The following PDS5B variants were observed in gnomAD, a reference collection of about 807,000 sequenced individuals.
PDS5B encodes PDS5 cohesin associated factor B.
In PDS5B, 51 loss-of-function variants were observed where a neutral mutation model predicts 184.1. The observed-to-expected ratio is 0.28, with a 90% CI of 0.22 to 0.35. PDS5B has a LOEUF of 0.35. PDS5B is among the 10% of genes least tolerant of loss of function. The pLI, the probability that PDS5B is intolerant of heterozygous loss-of-function variation, is 1.00. For missense variants in PDS5B, 1,180 were observed against 1,723.3 expected (o/e 0.68, Z 5.58); for synonymous variants, 566 against 569.2 (o/e 0.99, Z 0.08).
intron 30 of PDS5B, among the ~76,000 whole-genome samples, chr13:32,761,179 A>T (rs568064887): frequency 6.6e-6 from 1 of 152,198 alleles, no homozygotes; most frequent in Non-Finnish European, 1.5e-5. Flanking sequence ...TTTTATATGC[A>T]TAGAAAGTTT....
chr13:32,742,453 A>G (rs1250236298), intron 22 of PDS5B, 138 bp from the exon 23 acceptor site: 6 of 631,166 alleles, frequency 9.5e-6, no homozygotes, highest in Admixed American at 6.5e-5. Context: ...ATTCGAGATT[A>G]TCTTCATATA....
intron 6 of PDS5B, among the ~76,000 whole-genome samples, chr13:32,661,385 CAAA>C (rs747985772): frequency 8.0e-3 from 254 of 31,938 alleles, no homozygotes; most frequent in African/African-American, 0.026. Flanking sequence ...GACTCTGTCT[CAAA>C]AAAAAAAAAA....
chr13:32,620,656 C>CAA (rs376008300), intron 1 of PDS5B, among the ~76,000 whole-genome samples: 36 of 92,340 alleles, frequency 3.9e-4, no homozygotes, highest in African/African-American at 9.6e-4. Flanking sequence ...GACTCCGTCT[C>CAA]AAAAAAAAAA....
intron 21 of PDS5B, 74 bp downstream of exon 21, chr13:32,735,404 G>C: frequency 9.8e-7 from 1 of 1,018,908 alleles, no homozygotes; most frequent in South Asian, 1.8e-5. Flanking sequence ...GGAAAGAAGT[G>C]AAATGATATC....
At chr13:32,683,736 C>T in intron 10 of PDS5B, 142 bp from the exon 11 acceptor site, 4 of 546,336 alleles carry the variant, frequency 7.3e-6, no homozygotes, top group Non-Finnish European at 1.3e-5. Flanking sequence ...TTCTTCCTTC[C>T]CTTTCTTTCT....
At chr13:32,705,135 G>A (rs1951971488) in intron 17 of PDS5B, among the ~76,000 whole-genome samples, 1 of 151,666 alleles carries the variant, frequency 6.6e-6, no homozygotes, top group African/African-American at 2.4e-5. Context: ...GCCTTTTTTT[G>A]TAGTCCATCT....
chr13:32,595,347 A>G (rs1289994513), intron 1 of PDS5B, among the ~76,000 whole-genome samples: 1 of 152,130 alleles, frequency 6.6e-6, no homozygotes, highest in Non-Finnish European at 1.5e-5. Flanking sequence ...ATGCACATAT[A>G]TACTCCAAAA....
At chr13:32,742,472 A>G in intron 22 of PDS5B, 119 bp from the exon 23 acceptor site, 1 of 763,936 alleles carries the variant, frequency 1.3e-6, no homozygotes, top group Non-Finnish European at 2.1e-6. Flanking sequence ...TATACAGAAA[A>G]GAATTTTTTC....
Position 32,753,341 on chromosome 13 carries a change from T to C in PDS5B, c.2746T>C (p.Tyr916His). ...AATTGTGTCTTTACAGGATGAATGC[T>C]ATCAAGTAAGACAAGTGTTTGCCCA... ...LCALAINDEC[Y>H]QVRQVFAQKL... The change falls in exon 25 of 35, where the codon TAT (tyrosine) becomes CAT (histidine). Residue 916 changes from tyrosine (Y) to histidine (H), a missense_variant. Transcript: ENST00000315596. The C allele has an allele frequency of 6.2e-7, 1 of 1,612,840 alleles. No individual in the cohort carries two copies. Among genetic ancestry groups the C allele is most frequent in the Non-Finnish European group, 8.5e-7 (1 of 1,178,908 alleles).
intron 1 of PDS5B, among the ~76,000 whole-genome samples, chr13:32,600,513 T>G (rs2057957540): frequency 6.6e-6 from 1 of 152,118 alleles, no homozygotes; most frequent in East Asian, 1.9e-4. Context: ...CCAAAGTGGG[T>G]GGATCACTTG....
At chr13:32,710,896 GT>G (rs1399626411) in intron 19 of PDS5B, among the ~76,000 whole-genome samples, 1 of 152,096 alleles carries the variant, frequency 6.6e-6, no homozygotes, top group African/African-American at 2.4e-5. Context: ...CGCAATTAGA[GT>G]TTCAGGTATA....
At chr13:32,616,263 C>T (rs1358798329) in intron 1 of PDS5B, among the ~76,000 whole-genome samples, 4 of 152,148 alleles carry the variant, frequency 2.6e-5, no homozygotes, top group Non-Finnish European at 4.4e-5. Context: ...CTATGTTGGC[C>T]AGGCTGGTCT....
Position 32,676,932 on chromosome 13 carries a change from CAAAAAAAAAAAAAA to C in PDS5B, c.962+984_962+997del, listed in dbSNP as rs4057303. The stretch of plus-strand genomic sequence containing the variant: ...GGCGACAGAGCGAGACTCTTGTCTC[CAAAAAAAAAAAAAA>C]AAAAAAAAAAGATTTAAAGGCCCTG... On this transcript the variant is annotated intron_variant, in intron 9 of 34. Transcript: ENST00000315596. Among the ~76,000 whole-genome samples, 80 of 78,832 alleles carry C rather than the reference CAAAAAAAAAAAAAA, an allele frequency of 1.0e-3. 1 individual carries two copies. Among genetic ancestry groups the C allele is most frequent in the Admixed American group, 1.5e-3 (9 of 6,016 alleles). 51.7% of individuals were successfully genotyped at this position (78,832 alleles called of 152,430 possible).
intron 10 of PDS5B, among the ~76,000 whole-genome samples, chr13:32,679,492 T>A (rs527422210): frequency 1.3e-5 from 2 of 152,098 alleles, no homozygotes; most frequent in Admixed American, 1.3e-4. Context: ...AAAAATTAGC[T>A]GGGTGTGATG....
At chr13:32,764,915 A>G (rs1450212982) in intron 31 of PDS5B, among the ~76,000 whole-genome samples, 1 of 152,070 alleles carries the variant, frequency 6.6e-6, no homozygotes, top group African/African-American at 2.4e-5. Flanking sequence ...TTTTGTTAAC[A>G]TAGGATATTT....
In PDS5B at chr13:32,777,222, G is replaced by T. The variant is rs533471215; in HGVS notation, c.*2170G>T. On this transcript the variant is annotated 3_prime_UTR_variant, in exon 35 of 35. Transcript: ENST00000315596. Reference sequence around the variant, plus strand: ...TTTCATTTCACATTTTTGTAATGCTGTACAGCAGTTCACAAAAAAATGTTC... The same window carrying T: ...TTTCATTTCACATTTTTGTAATGCTTTACAGCAGTTCACAAAAAAATGTTC... The T allele has an allele frequency of 4.6e-5, 7 of 151,970 alleles. No homozygotes were observed. The highest frequency in any genetic ancestry group is 1.4e-4 in the African/African-American group (6 of 41,512). The allele number at this position is 151,970 out of a possible 1,614,324, so 9.4% of individuals were successfully genotyped here.
At chr13:32,774,830 G>A (rs959937653) in intron 34 of PDS5B, among the ~76,000 whole-genome samples, 187 bp from the exon 35 acceptor site, 4 of 152,046 alleles carry the variant, frequency 2.6e-5, no homozygotes, top group South Asian at 4.1e-4. Flanking sequence ...GAGCCTGTAA[G>A]GGATCAAATG....
chr13:32,670,511 A>G (rs1950908332), intron 7 of PDS5B, among the ~76,000 whole-genome samples: 2 of 152,344 alleles, frequency 1.3e-5, no homozygotes, highest in South Asian at 4.1e-4. Flanking sequence ...TATAGGCGTG[A>G]ACCACCATGC....
At chr13:32,696,209 CTTTAA>C (rs978444861) in intron 14 of PDS5B, among the ~76,000 whole-genome samples, 2 of 152,008 alleles carry the variant, frequency 1.3e-5, no homozygotes, top group Non-Finnish European at 2.9e-5. Flanking sequence ...TAGCTCAGTA[CTTTAA>C]ATACACTTGC....
Sources: gnomAD v4.1 joint callset for allele counts (sites outside exome capture counted in the v4.1 genomes callset) on GRCh38, gnomAD v4.1.1 for gene constraint, MANE v1.5 for transcripts, NCBI Gene and HGNC (gene_info 2026-07-23, HGNC 2026-07-21) for gene names.